The following PRKACB variants were observed in gnomAD, a reference collection of about 807,000 sequenced individuals.
PRKACB encodes cAMP-dependent protein kinase catalytic subunit beta.
Under a neutral mutation model 51.4 loss-of-function variants are expected in PRKACB, and 16 were observed. That is an observed-to-expected ratio of 0.31 (90% confidence interval 0.21 to 0.47). The LOEUF is 0.47. PRKACB is among the 20% of genes least tolerant of loss of function. The probability of loss-of-function intolerance (pLI) is 1.00; values close to 1 mark genes in which losing one functional copy is unlikely to be tolerated. For synonymous variants in PRKACB, 147 were observed against 154.4 expected (o/e 0.95, Z 0.35); for missense variants, 309 against 464.5 (o/e 0.67, Z 3.08).
chr1:84,126,537 T>C (rs1379093266), intron 1 of PRKACB, among the ~76,000 whole-genome samples: 8 of 152,140 alleles, frequency 5.3e-5, no homozygotes, highest in Admixed American at 5.2e-4. Context: ...TTGGGGTTTT[T>C]ATGGGTACAG....
intron 1 of PRKACB, among the ~76,000 whole-genome samples, chr1:84,083,240 C>T (rs557263195): frequency 5.6e-4 from 85 of 152,244 alleles, no homozygotes; most frequent in African/African-American, 1.8e-3. Flanking sequence ...CTGGGGAAGT[C>T]TTTCTTGGGT....
intron 1 of PRKACB, among the ~76,000 whole-genome samples, chr1:84,111,788 A>G (rs533028127): frequency 6.6e-6 from 1 of 152,260 alleles, no homozygotes; most frequent in South Asian, 2.1e-4. Flanking sequence ...TTTCTAGGTT[A>G]AAGGCAGAGT....
chr1:84,111,656 C>G (rs1041420170), intron 1 of PRKACB, among the ~76,000 whole-genome samples: 9 of 151,760 alleles, frequency 5.9e-5, no homozygotes, highest in Admixed American at 5.9e-4. Context: ...ATAATCTGTG[C>G]AACAAACCCC....
intron 1 of PRKACB, among the ~76,000 whole-genome samples, chr1:84,159,494 G>A (rs542549610): frequency 6.6e-6 from 1 of 152,036 alleles, no homozygotes; most frequent in African/African-American, 2.4e-5. Flanking sequence ...TTTAGTTCTA[G>A]TAGTTTCTTT....
At chr1:84,134,736 C>T (rs1489902301) in intron 1 of PRKACB, among the ~76,000 whole-genome samples, 2 of 152,126 alleles carry the variant, frequency 1.3e-5, no homozygotes, top group Non-Finnish European at 2.9e-5. Context: ...ATAACTATGT[C>T]AGTAGTCACT....
chr1:84,084,832 T>G (rs1390657050), intron 1 of PRKACB, among the ~76,000 whole-genome samples: 1 of 152,168 alleles, frequency 6.6e-6, no homozygotes, highest in Non-Finnish European at 1.5e-5. Context: ...GAACTCGGGA[T>G]ACCCGTGGCA....
Position 84,107,597 on chromosome 1 carries a change from G to T in PRKACB, c.46+29226G>T, listed in dbSNP as rs367865461. Among the ~76,000 whole-genome samples, 7 of 151,820 alleles carry T rather than the reference G, an allele frequency of 4.6e-5. No individual in the cohort carries two copies. In the East Asian group the frequency reaches 7.7e-4, roughly 17 times the overall value. ...ATCTGACTAATGTATAGTTAGTCTG[G>T]GTCTAATATCCAGAATCTACAGGGA... On this transcript the variant is annotated intron_variant, in intron 1 of 8. Coordinates refer to the PRKACB transcript ENST00000370688.
At chr1:84,110,108 A>G (rs1243433410) in intron 1 of PRKACB, among the ~76,000 whole-genome samples, 1 of 151,950 alleles carries the variant, frequency 6.6e-6, no homozygotes, top group African/African-American at 2.4e-5. Flanking sequence ...CCATAAAAAC[A>G]TGATACAGAT....
chr1:84,093,098 A>G (rs912691297), intron 1 of PRKACB, among the ~76,000 whole-genome samples: 5 of 152,048 alleles, frequency 3.3e-5, no homozygotes, highest in African/African-American at 1.2e-4. Flanking sequence ...AAACGTACAA[A>G]TAATTTACAA....
intron 1 of PRKACB, among the ~76,000 whole-genome samples, chr1:84,111,830 T>C (rs1306810463): frequency 1.3e-5 from 2 of 151,982 alleles, no homozygotes; most frequent in African/African-American, 4.8e-5. Context: ...CAAGACCTGA[T>C]ATATATATAT....
intron 2 of PRKACB, chr1:84,181,737 A>G (rs983155345): frequency 5.3e-6 from 8 of 1,498,346 alleles, no homozygotes; most frequent in Non-Finnish European, 7.1e-6. Flanking sequence ...AGGTAACTTT[A>G]GTGAAAGAGC....
In PRKACB at chr1:84,120,896, C is replaced by T. The variant is rs551607191; in HGVS notation, c.46+42525C>T. Among the ~76,000 whole-genome samples, 4 of 152,046 alleles carry T rather than the reference C, an allele frequency of 2.6e-5. No homozygotes were observed. The South Asian group carries it at 8.3e-4, about 32-fold the overall frequency. On this transcript the variant is annotated intron_variant, in intron 1 of 8. Coordinates refer to the PRKACB transcript ENST00000370688. ...TACTTGTTTTTTATGGTTGAAGAAACACCAGGTAATGGTCCCTGAGAAGTT... is the reference window on the plus strand; with the variant it reads ...TACTTGTTTTTTATGGTTGAAGAAATACCAGGTAATGGTCCCTGAGAAGTT...
chr1:84,160,914 A>C (rs960823718), intron 1 of PRKACB, among the ~76,000 whole-genome samples: 2 of 151,908 alleles, frequency 1.3e-5, no homozygotes, highest in African/African-American at 2.4e-5. Context: ...AATATGTAGA[A>C]TATCCATGTG....
At chr1:84,134,766 A>G (rs1422797397) in intron 1 of PRKACB, among the ~76,000 whole-genome samples, 1 of 152,174 alleles carries the variant, frequency 6.6e-6, no homozygotes. Context: ...AATGGTGTAA[A>G]CATCCATTAA....
chr1:84,219,378 C>T (rs1289138531), intron 9 of PRKACB, among the ~76,000 whole-genome samples: 3 of 151,892 alleles, frequency 2.0e-5, no homozygotes, highest in Non-Finnish European at 4.4e-5. Flanking sequence ...GTGCCCACAA[C>T]CACACCCAGC....
intron 1 of PRKACB, among the ~76,000 whole-genome samples, chr1:84,131,408 G>A (rs145097929): frequency 1.3e-5 from 2 of 150,324 alleles, no homozygotes; most frequent in Admixed American, 1.3e-4. Context: ...GAAATCTCTA[G>A]AACAACATCA....
intron 1 of PRKACB, among the ~76,000 whole-genome samples, chr1:84,125,063 A>G (rs1330390991): frequency 1.3e-5 from 2 of 151,850 alleles, no homozygotes; most frequent in Non-Finnish European, 2.9e-5. Context: ...GTGGCTTAAA[A>G]TAACACCCAT....
chr1:84,238,126 C>G lies in PRKACB; in HGVS notation c.*2821C>G, dbSNP rs1458368006. On this transcript the variant is annotated 3_prime_UTR_variant, in exon 10 of 10. Coordinates refer to ENST00000370685, the MANE Select transcript of PRKACB (RefSeq NM_182948.4). ...TTTCTCACTCACCGATGCTGAATAC[C>G]CAGTTGAATCAAACTGTCAACCTAC... 1 of 152,084 alleles carries G rather than the reference C, an allele frequency of 6.6e-6. No individual in the cohort carries two copies. The highest frequency in any genetic ancestry group is 2.4e-5 in the African/African-American group (1 of 41,364). The allele number at this position is 152,084 out of a possible 1,614,324, so 9.4% of individuals were successfully genotyped here. A position where few individuals can be genotyped will look rare whatever the true frequency, so the allele number is the denominator to read the frequency against.
At chr1:84,128,007 C>CTTTTTTTTTTTTTTT (rs10537848) in intron 1 of PRKACB, among the ~76,000 whole-genome samples, 129 of 105,374 alleles carry the variant, frequency 1.2e-3, no homozygotes, top group African/African-American at 1.5e-3. Flanking sequence ...CTTTTTTTTT[C>CTTTTTTTTTTTTTTT]TTTTTTTTTT....
Sources: allele counts gnomAD v4.1 joint callset (sites outside exome capture counted in the v4.1 genomes callset), GRCh38; gene constraint gnomAD v4.1.1; transcripts MANE v1.5; gene names NCBI Gene and HGNC (gene_info 2026-07-23, HGNC 2026-07-21).